KIF6: variants seen among roughly 807,000 people sequenced by gnomAD.
The protein encoded by KIF6 is kinesin family member 6.
In KIF6, 106 loss-of-function variants were observed where a neutral mutation model predicts 112.7. The ratio of observed to expected loss-of-function variants is 0.94; its 90% confidence interval spans 0.80 to 1.11. The LOEUF (loss-of-function observed/expected upper bound fraction) is 1.11. Among genes scored for constraint, KIF6 ranks in the 50% least tolerant of loss-of-function variants. The pLI is 0.00. For missense variants in KIF6, 929 were observed against 964.0 expected (o/e 0.96, Z 0.48); for synonymous variants, 339 against 339.9 (o/e 1.00, Z 0.03).
intron 7 of KIF6, among the ~76,000 whole-genome samples, chr6:39,591,483 G>A (rs1781950892): frequency 6.6e-6 from 1 of 152,156 alleles, no homozygotes; most frequent in Non-Finnish European, 1.5e-5. Flanking sequence ...ATTATTTCTG[G>A]AATAGTTCTT....
At chr6:39,520,631 G>C (rs535271700) in intron 13 of KIF6, among the ~76,000 whole-genome samples, 6 of 152,358 alleles carry the variant, frequency 3.9e-5, no homozygotes, top group African/African-American at 1.4e-4. Context: ...AATGCAGTTA[G>C]AGCGGATGTG....
intron 1 of KIF6, among the ~76,000 whole-genome samples, chr6:39,721,054 A>G (rs1373253766): frequency 6.6e-6 from 1 of 152,226 alleles, no homozygotes; most frequent in Non-Finnish European, 1.5e-5. Flanking sequence ...TGAATGATCT[A>G]ACATTCAAAT....
At chr6:39,461,039 T>C (rs1286780995) in intron 13 of KIF6, among the ~76,000 whole-genome samples, 1 of 152,204 alleles carries the variant, frequency 6.6e-6, no homozygotes, top group Non-Finnish European at 1.5e-5. Context: ...TTTCAATATA[T>C]AATAAATGTT....
At chr6:39,588,716 C>T (rs540294438) in intron 7 of KIF6, among the ~76,000 whole-genome samples, 19 of 152,266 alleles carry the variant, frequency 1.2e-4, no homozygotes, top group South Asian at 1.2e-3. Context: ...AACATCAACC[C>T]GGTTGCTCAA....
Position 39,340,150 on chromosome 6 carries a change from C to T in KIF6, c.2428+3559G>A, listed in dbSNP as rs576114341. Among the ~76,000 whole-genome samples, 3 of 152,332 alleles carry T rather than the reference C, an allele frequency of 2.0e-5. No individual in the cohort carries two copies. The East Asian group carries it at 5.8e-4, about 29-fold the overall frequency. ...CTGCTGGCCCTTTGGGACCTGGTGGCAGAGGGACCCCGTGTCAACCTGTCT... is the reference window on the plus strand; with the variant it reads ...CTGCTGGCCCTTTGGGACCTGGTGGTAGAGGGACCCCGTGTCAACCTGTCT... On this transcript the variant is annotated intron_variant, in intron 22 of 22. Coordinates refer to ENST00000287152, the MANE Select transcript of KIF6 (RefSeq NM_145027.6).
intron 6 of KIF6, among the ~76,000 whole-genome samples, chr6:39,598,276 T>C (rs967069021): frequency 6.6e-6 from 1 of 152,052 alleles, no homozygotes; most frequent in Non-Finnish European, 1.5e-5. Context: ...AGGTAACTCA[T>C]AAGGAAGAAA....
chr6:39,530,343 C>G (rs1401494313), intron 13 of KIF6, among the ~76,000 whole-genome samples: 1 of 152,184 alleles, frequency 6.6e-6, no homozygotes, highest in Non-Finnish European at 1.5e-5. Context: ...TCTCAGAACA[C>G]TGACTGGTTC....
At chr6:39,582,249 G>A (rs1781337055) in intron 9 of KIF6, among the ~76,000 whole-genome samples, 1 of 152,122 alleles carries the variant, frequency 6.6e-6, no homozygotes, top group South Asian at 2.1e-4. Flanking sequence ...GATTACTACA[G>A]TTATGCCTCC....
chr6:39,370,770 C>T (rs376388714), intron 16 of KIF6, among the ~76,000 whole-genome samples: 5 of 151,550 alleles, frequency 3.3e-5, no homozygotes, highest in South Asian at 2.1e-4. Flanking sequence ...TGAAGGAGCC[C>T]GAGAGACCAC....
intron 5 of KIF6, among the ~76,000 whole-genome samples, chr6:39,627,768 T>C (rs554519686): frequency 6.6e-6 from 1 of 152,300 alleles, no homozygotes; most frequent in East Asian, 1.9e-4. Context: ...TTAAATGGAA[T>C]ATGCTTCCCT....
chr6:39,423,897 C>T (rs113602502), intron 14 of KIF6, among the ~76,000 whole-genome samples: 281 of 152,270 alleles, frequency 1.8e-3, no homozygotes, highest in African/African-American at 6.4e-3. Flanking sequence ...TGCTCCTTCC[C>T]CTGCAATCGC....
intron 13 of KIF6, among the ~76,000 whole-genome samples, chr6:39,445,136 T>C (rs781007471): frequency 1.3e-5 from 2 of 152,220 alleles, no homozygotes; most frequent in African/African-American, 2.4e-5. Context: ...TGTACAGCGA[T>C]TGTACTCTGA....
chr6:39,656,683 A>G (rs1269764759), intron 3 of KIF6, among the ~76,000 whole-genome samples: 1 of 152,140 alleles, frequency 6.6e-6, no homozygotes, highest in African/African-American at 2.4e-5. Context: ...AGGCCAAGTC[A>G]TCTACATCAC....
chr6:39,556,667 G>GA (rs34696127), intron 10 of KIF6, among the ~76,000 whole-genome samples: 45,535 of 151,980 alleles, frequency 0.3, 8,119 homozygotes, highest in African/African-American at 0.47. Flanking sequence ...AGGAAGGTGG[G>GA]AAAGGTGGGA....
Position 39,721,673 on chromosome 6 carries a change from T to C in KIF6, c.67-862A>G, listed in dbSNP as rs573797316. Among the ~76,000 whole-genome samples the C allele has an allele frequency of 2.0e-3, 310 of 152,208 alleles. 1 individual carries two copies. Among genetic ancestry groups the C allele is most frequent in the Middle Eastern group, 6.8e-3 (2 of 294 alleles). ...GTGTGACCAGCCACCACTTTCAGAA[T>C]TGAGGTTCCTTGTACATAAAATGAG... On this transcript the variant is annotated intron_variant, in intron 1 of 22. Coordinates refer to ENST00000287152, the MANE Select transcript of KIF6 (RefSeq NM_145027.6).
intron 13 of KIF6, among the ~76,000 whole-genome samples, chr6:39,502,370 C>A (rs1035408587): frequency 1.3e-5 from 2 of 151,884 alleles, no homozygotes; most frequent in African/African-American, 4.8e-5. Flanking sequence ...CCATTACCAG[C>A]CACTAAAAAA....
chr6:39,360,299 C>A (rs1299738813), intron 18 of KIF6, 96 bp downstream of exon 18: 3 of 1,404,788 alleles, frequency 2.1e-6, no homozygotes, highest in Non-Finnish European at 2.9e-6. Context: ...ACCATGGGGG[C>A]CTGTGGGTCA....
At chr6:39,536,763 A>G (rs1353980931) in intron 13 of KIF6, among the ~76,000 whole-genome samples, 1 of 152,108 alleles carries the variant, frequency 6.6e-6, no homozygotes, top group African/African-American at 2.4e-5. Flanking sequence ...ACACAACCAA[A>G]AAAGAGAATT....
At chr6:39,543,999 G>T (rs1040914201) in intron 12 of KIF6, among the ~76,000 whole-genome samples, 1 of 152,214 alleles carries the variant, frequency 6.6e-6, no homozygotes, top group Non-Finnish European at 1.5e-5. Context: ...GGGAACATTT[G>T]TAAGTGTAAC....
Sources: allele counts gnomAD v4.1 joint callset (sites outside exome capture counted in the v4.1 genomes callset), GRCh38; gene constraint gnomAD v4.1.1; transcripts MANE v1.5; gene names NCBI Gene and HGNC (gene_info 2026-07-23, HGNC 2026-07-21).